The following EXOC6 variants were observed in gnomAD, a reference collection of about 807,000 sequenced individuals.
The protein encoded by EXOC6 is exocyst complex component 6.
Under a neutral mutation model 112.5 loss-of-function variants are expected in EXOC6, and 60 were observed. That is an observed-to-expected ratio of 0.53 (90% confidence interval 0.43 to 0.66). The LOEUF is 0.66. Ranked by LOEUF, EXOC6 falls within the 30% of genes least tolerant of loss-of-function variation. The pLI is 0.00. For synonymous variants in EXOC6, 295 were observed against 308.0 expected (o/e 0.96, Z 0.44); for missense variants, 855 against 957.1 (o/e 0.89, Z 1.41).
chr10:92,848,483 C>G (rs776252985), upstream of EXOC6: 4 of 1,262,844 alleles, frequency 3.2e-6, no homozygotes, highest in Non-Finnish European at 4.1e-6. Context: ...GAGCTCGCCC[C>G]CGTCGTTCCC....
At chr10:92,953,057 G>T (rs6583852) in intron 15 of EXOC6, among the ~76,000 whole-genome samples, 68,808 of 151,922 alleles carry the variant, frequency 0.45, 16,497 homozygotes, top group African/African-American at 0.6. Flanking sequence ...GTAGTTCTTT[G>T]TGTTTGTTTT....
chr10:92,893,362 G>T lies in EXOC6; in HGVS notation c.115G>T (p.Asp39Tyr), dbSNP rs1849598258. 1 of 1,610,656 alleles carries T rather than the reference G, an allele frequency of 6.2e-7. No individual in the cohort carries two copies. The highest frequency in any genetic ancestry group is 1.1e-5 in the South Asian group (1 of 90,522). Reference protein sequence around the residue: ...VGPTLRSVYDDQPNAHKKFME... With the variant: ...VGPTLRSVYDYQPNAHKKFME... Reference sequence around the variant, plus strand: ...ATATACATTCAGGTCTGTGTATGATGACCAACCAAATGCGCACAAGAAGTT... The same window carrying T: ...ATATACATTCAGGTCTGTGTATGATTACCAACCAAATGCGCACAAGAAGTT... Residue 39 changes from aspartate (D) to tyrosine (Y), a missense_variant, in exon 2 of 22, where the codon GAC (aspartate) becomes TAC (tyrosine). Around this residue, in one of 2 missense-constraint regions of EXOC6, gnomAD observed 405 missense variants for 393.6 expected, o/e 1.03. Transcript: ENST00000260762.
intron 1 of EXOC6, among the ~76,000 whole-genome samples, chr10:92,875,249 C>G (rs1047756853): frequency 6.6e-6 from 1 of 152,070 alleles, no homozygotes; most frequent in African/African-American, 2.4e-5. Flanking sequence ...TGTCTTTACC[C>G]GTAATTGAAT....
chr10:92,863,168 C>T (rs1383635331), intron 1 of EXOC6, among the ~76,000 whole-genome samples: 3 of 152,186 alleles, frequency 2.0e-5, no homozygotes, highest in Non-Finnish European at 4.4e-5. Context: ...TATTACATAA[C>T]AGCTACTTTA....
chr10:92,844,705 C>T (rs185611646), upstream of EXOC6, among the ~76,000 whole-genome samples: 163 of 152,242 alleles, frequency 1.1e-3, 1 homozygote, highest in Non-Finnish European at 1.8e-3. Flanking sequence ...TAACCCTAGT[C>T]GCCAATGCTA....
rs1055795932 is a variant in EXOC6 at position 92,905,218 on chromosome 10, A to G, written c.459-4209A>G. On this transcript the variant is annotated intron_variant, in intron 5 of 21. Coordinates refer to ENST00000260762, the MANE Select transcript of EXOC6 (RefSeq NM_019053.6). ...TCTTGAAGTTGGGTAGTGTCAGTCT[A>G]TCCTTCAACTTTGTTCTTCAATATT... Among the ~76,000 whole-genome samples the G allele has an allele frequency of 4.6e-5, 7 of 152,130 alleles. No homozygotes were observed. The East Asian group carries it at 5.8e-4, about 13-fold the overall frequency.
Position 92,842,440 on chromosome 10 carries a change from GTCATCA to G in EXOC6, c.86+7645_86+7650del, listed in dbSNP as rs137992222. 8.8e-3 allele frequency among the ~76,000 whole-genome samples: 1,294 copies of G among 147,804 alleles called. 11 individuals carry two copies. The highest frequency in any genetic ancestry group is 0.012 in the Non-Finnish European group (835 of 67,278). ...CCTAGCCAGGGAGTAAATGTCAGCT[GTCATCA>G]TCATCATCATCATCATCATCATCAT... On this transcript the variant is annotated intron_variant, in intron 1 of 21. Coordinates refer to the EXOC6 transcript ENST00000371552.
intron 18 of EXOC6, among the ~76,000 whole-genome samples, chr10:92,974,829 A>C (rs1474350097): frequency 6.6e-6 from 1 of 152,104 alleles, no homozygotes; most frequent in African/African-American, 2.4e-5. Flanking sequence ...CGGCCTCCCG[A>C]GGTGCCGGGA....
chr10:92,975,908 G>T, intron 18 of EXOC6, among the ~76,000 whole-genome samples: 1 of 142,836 alleles, frequency 7.0e-6, no homozygotes, highest in Non-Finnish European at 1.6e-5. Flanking sequence ...CGCCCCGTCC[G>T]GGAGGGAGGT....
intron 18 of EXOC6, among the ~76,000 whole-genome samples, chr10:92,988,894 C>T (rs1188080942): frequency 1.3e-5 from 2 of 151,986 alleles, no homozygotes; most frequent in East Asian, 1.9e-4. Flanking sequence ...TTCATTGTGT[C>T]TTGGATCTAT....
At chr10:92,988,800 T>TACAC (rs67242778) in intron 18 of EXOC6, among the ~76,000 whole-genome samples, 4,706 of 143,032 alleles carry the variant, frequency 0.033, 97 homozygotes, top group South Asian at 0.058. Context: ...CTACAAAAAA[T>TACAC]ACACACACAC....
At chr10:92,827,787 TC>T (rs1316920713) in intron 1 of EXOC6, among the ~76,000 whole-genome samples, 1 of 152,146 alleles carries the variant, frequency 6.6e-6, no homozygotes, top group African/African-American at 2.4e-5. Flanking sequence ...CCTTTGTTGC[TC>T]CTGATTTTCT....
Position 93,018,613 on chromosome 10 carries a change from C to CT in EXOC6, c.2169+4359dup, listed in dbSNP as rs11290790. The stretch of plus-strand genomic sequence containing the variant: ...TTGCCTCTTAAATCTTAAAAAGGAA[C>CT]TTTTTTTTTTTTTACCAGATATTTC... On this transcript the variant is annotated intron_variant, in intron 20 of 21. Transcript: ENST00000260762. Among the ~76,000 whole-genome samples, 1,231 of 147,548 alleles carry CT rather than the reference C, an allele frequency of 8.3e-3. 10 individuals carry two copies. Among genetic ancestry groups the CT allele is most frequent in the Admixed American group, 0.016 (243 of 14,858 alleles).
chr10:92,923,806 C>G (rs991726567), intron 8 of EXOC6, among the ~76,000 whole-genome samples: 1 of 152,134 alleles, frequency 6.6e-6, no homozygotes, highest in Non-Finnish European at 1.5e-5. Context: ...AGGTGGGGAT[C>G]TTTGGAGGCT....
At chr10:92,882,778 C>T (rs564030335) in intron 1 of EXOC6, among the ~76,000 whole-genome samples, 9 of 152,248 alleles carry the variant, frequency 5.9e-5, no homozygotes, top group African/African-American at 2.2e-4. Context: ...TTTCAAGTCT[C>T]ACTTCAGACT....
chr10:92,880,158 C>A (rs1848880884), intron 1 of EXOC6, among the ~76,000 whole-genome samples: 1 of 152,164 alleles, frequency 6.6e-6, no homozygotes, highest in African/African-American at 2.4e-5. Context: ...ATGTTGAAAT[C>A]TCTTATATAA....
chr10:92,827,927 G>C (rs1466438493), intron 1 of EXOC6, among the ~76,000 whole-genome samples: 2 of 152,096 alleles, frequency 1.3e-5, no homozygotes, highest in Admixed American at 1.3e-4. Flanking sequence ...TGACTCTGTT[G>C]GCACTTTCAG....
rs1329002929 is a variant in EXOC6 at position 93,038,032 on chromosome 10, T to C, written c.2170-18892T>C. On this transcript the variant is annotated intron_variant, in intron 20 of 21. Transcript: ENST00000260762. ...TCCAGCCTGGGCTACAGAGCGAGACTCCGTCTCCAAAAAAAAAAAAAAAAA... is the reference window on the plus strand; with the variant it reads ...TCCAGCCTGGGCTACAGAGCGAGACCCCGTCTCCAAAAAAAAAAAAAAAAA... 1.7e-4 allele frequency among the ~76,000 whole-genome samples: 18 copies of C among 105,966 alleles called. No individual in the cohort carries two copies. In the Admixed American group the frequency reaches 1.9e-3, roughly 11 times the overall value. The allele number at this position is 105,966 out of a possible 152,430, so 69.5% of individuals were successfully genotyped here. A position where few individuals can be genotyped will look rare whatever the true frequency, so the allele number is the denominator to read the frequency against.
chr10:92,932,875 AATACACAACAGTAAC>A (rs1390636702), intron 9 of EXOC6, among the ~76,000 whole-genome samples: 1 of 152,190 alleles, frequency 6.6e-6, no homozygotes, highest in Non-Finnish European at 1.5e-5. Context: ...ATAGAATTAA[AATACACAACAGTAAC>A]ATAAACATCA....
Sources: allele counts gnomAD v4.1 joint callset (sites outside exome capture counted in the v4.1 genomes callset), GRCh38; gene constraint gnomAD v4.1.1; regional missense constraint gnomAD v4.1.1; transcripts MANE v1.5; gene names NCBI Gene and HGNC (gene_info 2026-07-23, HGNC 2026-07-21).